The following ANKRD30B variants were observed in gnomAD, a reference collection of about 807,000 sequenced individuals.
The protein encoded by ANKRD30B is ankyrin repeat domain 30B.
In ANKRD30B, 144 loss-of-function variants were observed where a neutral mutation model predicts 202.2. That is an observed-to-expected ratio of 0.71 (90% CI 0.62 to 0.82). The LOEUF is 0.82. Ranked by LOEUF, ANKRD30B falls within the 40% of genes least tolerant of loss-of-function variation. The pLI is 0.00. For missense variants in ANKRD30B, 1,487 were observed against 1,669.1 expected, an observed-to-expected ratio of 0.89 and a Z score of 1.90; for synonymous variants, 508 against 561.3, an observed-to-expected ratio of 0.91 and a Z score of 1.34.
At position 14,753,903 on chromosome 18, in the gene ANKRD30B, T is replaced by C. The variant is rs550184581; in HGVS notation, c.510+891T>C. ...TAGAACTTTCATTAGTAAGCCATTT[T>C]ATTCATATTTTTGATATTTTTCCAA... On this transcript the variant is annotated intron_variant, in intron 3 of 43. Transcript: ENST00000690538. Among the ~76,000 whole-genome samples, 135 of 152,140 alleles carry C rather than the reference T, an allele frequency of 8.9e-4. 1 individual carries two copies. Among genetic ancestry groups the C allele is most frequent in the Non-Finnish European group, 1.5e-4 (10 of 67,992 alleles).
the ANKRD30B span, among the ~76,000 whole-genome samples, chr18:14,881,663 T>A: frequency 1.6e-4 from 25 of 152,268 alleles, no homozygotes; most frequent in Middle Eastern, 3.4e-3. Context: ...TTGGTATCAT[T>A]TCTTCTTTGA....
the ANKRD30B span, among the ~76,000 whole-genome samples, chr18:14,932,238 G>A: frequency 6.6e-6 from 1 of 151,808 alleles, no homozygotes; most frequent in Non-Finnish European, 1.5e-5. Context: ...CGTCAGGTCT[G>A]AGTCCTGCTC....
intron 36 of ANKRD30B, 38 bp downstream of exon 36, chr18:14,837,714 A>T: frequency 6.8e-7 from 1 of 1,480,890 alleles, no homozygotes; most frequent in Non-Finnish European, 9.0e-7. Context: ...TTAAAACTTA[A>T]GTACTCAGTA....
chr18:14,862,357 A>C, the ANKRD30B span, among the ~76,000 whole-genome samples: 3 of 152,062 alleles, frequency 2.0e-5, no homozygotes, highest in African/African-American at 7.2e-5. Flanking sequence ...GCAAGGACAC[A>C]TAAAAATGAT....
chr18:14,910,484 A>AATATAT, the ANKRD30B span, among the ~76,000 whole-genome samples: 362 of 147,652 alleles, frequency 2.5e-3, 1 homozygote, highest in African/African-American at 8.5e-3. Flanking sequence ...ACAATGTAAA[A>AATATAT]ATATATATAT....
At position 14,851,632 on chromosome 18, in the gene ANKRD30B, AAATACTTTGAGGACAT is replaced by A; in HGVS notation, c.3689_3704del (p.Lys1230IlefsTer13). 1 of 1,612,018 alleles carries A rather than the reference AAATACTTTGAGGACAT, an allele frequency of 6.2e-7. No homozygotes were observed. Among genetic ancestry groups the A allele is most frequent in the Non-Finnish European group, 8.5e-7 (1 of 1,179,022 alleles). On this transcript the variant is annotated frameshift_variant, in exon 42 of 44. Transcript: ENST00000690538. LOFTEE classifies it high-confidence loss of function. ...ACATCAACACCAGGTGAAGGAAAAT[AAATACTTTGAGGACAT>A]TAAGATTTTACAAGAAAAGAATGCT...
the ANKRD30B span, among the ~76,000 whole-genome samples, chr18:14,887,258 C>A: frequency 1.3e-5 from 2 of 151,982 alleles, no homozygotes; most frequent in Non-Finnish European, 2.9e-5. Context: ...GCCCCTTATT[C>A]CTAACTGTAT....
chr18:14,934,449 C>T, the ANKRD30B span, among the ~76,000 whole-genome samples: 4 of 152,342 alleles, frequency 2.6e-5, no homozygotes, highest in East Asian at 7.7e-4. Context: ...CACCTCAGTC[C>T]ACTGCTCCTC....
intron 42 of ANKRD30B, among the ~76,000 whole-genome samples, chr18:14,853,189 A>G (rs1286366115): frequency 7.2e-5 from 11 of 152,024 alleles, no homozygotes; most frequent in Non-Finnish European, 1.5e-4. Flanking sequence ...TATCATGTGG[A>G]TAGAACTTTG....
chr18:14,860,350 G>T, the ANKRD30B span, among the ~76,000 whole-genome samples: 1 of 124,056 alleles, frequency 8.1e-6, no homozygotes, highest in Non-Finnish European at 1.7e-5. Flanking sequence ...CCCAGACAGG[G>T]CTGCCGGGCA....
chr18:14,852,060 T>A lies in ANKRD30B; in HGVS notation c.4116T>A (p.Asp1372Glu), dbSNP rs760141091. Residue 1372 changes from aspartate to glutamate, a missense_variant, in exon 42 of 44, where the codon GAT (aspartate) becomes GAA (glutamate). Around this residue, in one of 6 missense-constraint regions of ANKRD30B, gnomAD observed 182 missense variants for 216.0 expected, o/e 0.84. Coordinates refer to ENST00000690538, the MANE Select transcript of ANKRD30B (RefSeq NM_001367607.2). ...PKINLNYAGDDLRENALVSEH... is the reference protein window; with the variant it reads ...PKINLNYAGDELRENALVSEH... ...TTAATCTCAATTATGCAGGAGATGATCTAAGAGAAAATGCATTGGTTTCAG... is the reference window on the plus strand; with the variant it reads ...TTAATCTCAATTATGCAGGAGATGAACTAAGAGAAAATGCATTGGTTTCAG... 1 of 1,608,700 alleles carries A rather than the reference T, an allele frequency of 6.2e-7. No homozygotes were observed. The highest frequency in any genetic ancestry group is 8.5e-7 in the Non-Finnish European group (1 of 1,176,954).
At chr18:14,887,514 G>A in the ANKRD30B span, among the ~76,000 whole-genome samples, 60,851 of 151,828 alleles carry the variant, frequency 0.4, 13,575 homozygotes, top group East Asian at 0.59. Context: ...TGTGGTGAAA[G>A]ATTTTTTACA....
In ANKRD30B at chr18:14,784,358, C is replaced by T. The variant is rs1285400449; in HGVS notation, c.1593C>T (p.Ala531=). ...EVEELPEKPS[A]FKPAVEMQKT... ...TAGAGCTTCCTGAGAAGCCATCTGC[C>T]TTCAAGGTATTTAGTTTTATGGTTT... is the stretch of plus-strand genomic sequence containing the variant. The change falls in exon 13 of 44, where the codon GCC becomes GCT. Residue 531 remains alanine (A), a synonymous_variant. Coordinates refer to ENST00000690538, the MANE Select transcript of ANKRD30B (RefSeq NM_001367607.2). 5.0e-6 allele frequency: 8 copies of T among 1,612,714 alleles called. No individual in the cohort carries two copies. Among genetic ancestry groups the T allele is most frequent in the Non-Finnish European group, 6.8e-6 (8 of 1,179,242 alleles).
intron 9 of ANKRD30B, among the ~76,000 whole-genome samples, chr18:14,776,139 T>G (rs533755972): frequency 6.6e-6 from 1 of 152,186 alleles, no homozygotes; most frequent in Non-Finnish European, 1.5e-5. Flanking sequence ...ACTGCAGATT[T>G]TCCATAGAAA....
intron 15 of ANKRD30B, 47 bp from the exon 16 acceptor site, chr18:14,791,354 A>G (rs1475159118): frequency 2.0e-6 from 3 of 1,482,346 alleles, no homozygotes; most frequent in Non-Finnish European, 2.8e-6. Context: ...ACTCTTCATT[A>G]CTAGGATTTT....
the ANKRD30B span, among the ~76,000 whole-genome samples, chr18:14,894,857 A>C: frequency 1.2e-5 from 1 of 83,284 alleles, no homozygotes. Flanking sequence ...TATACAAAAA[A>C]CACTGAAAAC....
chr18:14,799,307 A>G lies in ANKRD30B; in HGVS notation c.2131+12A>G, dbSNP rs1449220123. On this transcript the variant is annotated intron_variant, in intron 22 of 43. Transcript: ENST00000690538. ...AACATTCAAAGCAGGTAAATTTTGCAATTTTAATTTTACTCTGGAATTAAG... is the reference window on the plus strand; with the variant it reads ...AACATTCAAAGCAGGTAAATTTTGCGATTTTAATTTTACTCTGGAATTAAG... 3 of 1,511,412 alleles carry G rather than the reference A, an allele frequency of 2.0e-6. No homozygotes were observed. Among genetic ancestry groups the G allele is most frequent in the Non-Finnish European group, 2.7e-6 (3 of 1,131,252 alleles). 93.6% of individuals were successfully genotyped at this position (1,511,412 alleles called of 1,614,324 possible).
the ANKRD30B span, among the ~76,000 whole-genome samples, chr18:14,892,688 C>A: frequency 1.3e-3 from 173 of 130,172 alleles, no homozygotes; most frequent in African/African-American, 4.7e-3. Flanking sequence ...TGCAGTGAGC[C>A]AAAACGGTGC....
chr18:14,764,298 GAACT>G (rs1915744717), intron 7 of ANKRD30B, among the ~76,000 whole-genome samples: 1 of 127,054 alleles, frequency 7.9e-6, no homozygotes, highest in South Asian at 2.6e-4. Context: ...AATACTAGAT[GAACT>G]AACTAACAGT....
Sources: allele counts gnomAD v4.1 joint callset (sites outside exome capture counted in the v4.1 genomes callset), GRCh38; gene constraint gnomAD v4.1.1; regional missense constraint gnomAD v4.1.1; transcripts MANE v1.5; gene names NCBI Gene and HGNC (gene_info 2026-07-23, HGNC 2026-07-21).